Variants in TMEM50B observed in about 807,000 individuals in gnomAD.
TMEM50B encodes the protein transmembrane protein 50B, also known as HCV p7-trans-regulated protein 3.
TMEM50B carries 14 observed loss-of-function variants against 23.4 expected under a neutral mutation model. The observed-to-expected ratio is 0.60, with a 90% CI of 0.39 to 0.93. The LOEUF (loss-of-function observed/expected upper bound fraction) is 0.93. Among genes scored for constraint, TMEM50B ranks in the 40% least tolerant of loss-of-function variants. The probability of loss-of-function intolerance (pLI) is 0.00; values close to 1 mark genes in which losing one functional copy is unlikely to be tolerated. For missense variants in TMEM50B, 159 were observed against 193.0 expected (o/e 0.82, Z 1.04); for synonymous variants, 64 against 62.3 (o/e 1.03, Z -0.13).
chr21:33,476,035 G>A (rs938335407), intron 1 of TMEM50B, among the ~76,000 whole-genome samples: 6 of 152,182 alleles, frequency 3.9e-5, no homozygotes, highest in Non-Finnish European at 7.3e-5. Flanking sequence ...GTGGTAAGAA[G>A]AGTAATAAAT....
intron 5 of TMEM50B, among the ~76,000 whole-genome samples, chr21:33,456,844 TAA>T (rs1240313319): frequency 2.0e-5 from 3 of 152,208 alleles, no homozygotes; most frequent in Non-Finnish European, 4.4e-5. Context: ...AAGTAATATA[TAA>T]AAGTTAGCTA....
intron 8 of TMEM50B, chr21:33,436,726 A>T (rs1454417116): frequency 1.5e-5 from 15 of 971,516 alleles, no homozygotes; most frequent in Non-Finnish European, 2.3e-5. Context: ...TCTCAAAAAA[A>T]AAATAAAAAT....
At chr21:33,450,918 A>C in intron 6 of TMEM50B, 55 bp from the exon 7 acceptor site, 1 of 1,467,888 alleles carries the variant, frequency 6.8e-7, no homozygotes. Context: ...CAAGCAACAC[A>C]GAATTCATTT....
intron 6 of TMEM50B, among the ~76,000 whole-genome samples, chr21:33,451,611 CAG>C (rs1449583258): frequency 6.6e-5 from 10 of 151,890 alleles, no homozygotes; most frequent in Non-Finnish European, 1.2e-4. Context: ...GAGGCGGGAG[CAG>C]AGAGATGGGA....
chr21:33,474,032 C>T (rs1053454706), intron 1 of TMEM50B, among the ~76,000 whole-genome samples: 1 of 149,360 alleles, frequency 6.7e-6, no homozygotes, highest in Non-Finnish European at 1.5e-5. Flanking sequence ...AAGAAAGATA[C>T]AAAGTGACTG....
At chr21:33,447,583 G>T (rs1319594988), downstream of TMEM50B, among the ~76,000 whole-genome samples, 1 of 151,870 alleles carries the variant, frequency 6.6e-6, no homozygotes, top group Non-Finnish European at 1.5e-5. Flanking sequence ...CTTGCTCAAG[G>T]GGCCAAATTA....
At chr21:33,477,283 T>C (rs1006463520) in intron 1 of TMEM50B, among the ~76,000 whole-genome samples, 2 of 150,266 alleles carry the variant, frequency 1.3e-5, no homozygotes, top group African/African-American at 4.9e-5. Context: ...TGAGACCCGG[T>C]CTCCAAAGTG....
chr21:33,470,386 C>A (rs1684784631), intron 1 of TMEM50B, among the ~76,000 whole-genome samples: 1 of 132,186 alleles, frequency 7.6e-6, no homozygotes, highest in African/African-American at 2.9e-5. Flanking sequence ...GATTGTGCCA[C>A]TGCACTCTAG....
chr21:33,457,815 C>T (rs1390081689), intron 5 of TMEM50B, among the ~76,000 whole-genome samples: 2 of 152,134 alleles, frequency 1.3e-5, no homozygotes, highest in African/African-American at 4.8e-5. Context: ...AGCCATTAAC[C>T]TGAGGCTATC....
At chr21:33,438,905 T>G (rs1168781399) in intron 8 of TMEM50B, among the ~76,000 whole-genome samples, 1 of 152,052 alleles carries the variant, frequency 6.6e-6, no homozygotes, top group Non-Finnish European at 1.5e-5. Flanking sequence ...AATTTTTGTA[T>G]TTTTAGTAGA....
At position 33,454,098 on chromosome 21, in the gene TMEM50B, A is replaced by C. The variant is rs974511748; in HGVS notation, c.431+1629T>G. 2.2e-4 allele frequency among the ~76,000 whole-genome samples: 17 copies of C among 78,130 alleles called. 1 individual carries two copies. The highest frequency in any genetic ancestry group is 9.9e-4 in the African/African-American group (16 of 16,134). 51.3% of individuals were successfully genotyped at this position (78,130 alleles called of 152,430 possible). Reference sequence around the variant, plus strand: ...AGCCTGGGCAACAGAGCGAGAATCCAGCTCAAAAAAAAAAAAAAAAAAGAC... The same window carrying C: ...AGCCTGGGCAACAGAGCGAGAATCCCGCTCAAAAAAAAAAAAAAAAAAGAC... On this transcript the variant is annotated intron_variant, in intron 6 of 6. Coordinates refer to ENST00000542230, the MANE Select transcript of TMEM50B (RefSeq NM_006134.7).
At position 33,465,371 on chromosome 21, in the gene TMEM50B, C is replaced by G; in HGVS notation, c.251G>C (p.Ser84Thr). 1 of 1,613,244 alleles carries G rather than the reference C, an allele frequency of 6.2e-7. No homozygotes were observed. The highest frequency in any genetic ancestry group is 8.5e-7 in the Non-Finnish European group (1 of 1,179,804). Reference sequence around the variant, plus strand: ...TCTTCCTAAACAGCCGCTTTCATAGCTATCACCTCTCACCTGAGCATTGGA... The same window carrying G: ...TCTTCCTAAACAGCCGCTTTCATAGGTATCACCTCTCACCTGAGCATTGGA... ...AVSNAQVRGDSYESGCLGRTG... is the reference protein window; with the variant it reads ...AVSNAQVRGDTYESGCLGRTG... The change falls in exon 4 of 7, where the codon AGC (serine) becomes ACC (threonine). Residue 84 changes from serine to threonine, a missense_variant. Physicochemically the swap from Ser to Thr is moderately conservative, Grantham distance 58. Transcript: ENST00000542230.
At chr21:33,467,839 T>C (rs1025256418) in intron 2 of TMEM50B, among the ~76,000 whole-genome samples, 1 of 152,100 alleles carries the variant, frequency 6.6e-6, no homozygotes, top group South Asian at 2.1e-4. Context: ...GAACTGTACA[T>C]TGAAAGAGAT....
At chr21:33,451,866 G>A (rs947974201) in intron 6 of TMEM50B, among the ~76,000 whole-genome samples, 6 of 152,116 alleles carry the variant, frequency 3.9e-5, no homozygotes, top group African/African-American at 1.4e-4. Context: ...ACTTCAAAAG[G>A]TAGTAGGCAG....
rs1453928631 is a variant in TMEM50B, at chr21:33,442,120, G to C, written c.*2037-2823C>G. On this transcript the variant is annotated intron_variant and NMD_transcript_variant, in intron 7 of 8. Transcript: ENST00000420455. Reference sequence around the variant, plus strand: ...GCCCAGAGCCCTTCAAAATATATTTGCTGTTTGCCAAATAGTCTCTATTTG... The same window carrying C: ...GCCCAGAGCCCTTCAAAATATATTTCCTGTTTGCCAAATAGTCTCTATTTG... Among the ~76,000 whole-genome samples the C allele has an allele frequency of 2.6e-5, 4 of 152,022 alleles. 1 individual carries two copies. The highest frequency in any genetic ancestry group is 9.7e-5 in the African/African-American group (4 of 41,384).
At chr21:33,469,278 T>C (rs569407734) in intron 1 of TMEM50B, among the ~76,000 whole-genome samples, 1 of 152,116 alleles carries the variant, frequency 6.6e-6, no homozygotes, top group South Asian at 2.1e-4. Context: ...TATGAAACCT[T>C]GTCTCTACTA....
At chr21:33,445,520 G>A (rs1221898847), downstream of TMEM50B, among the ~76,000 whole-genome samples, 1 of 152,274 alleles carries the variant, frequency 6.6e-6, no homozygotes, top group East Asian at 1.9e-4. Flanking sequence ...CATAAGAAAT[G>A]CCGGGCACGG....
intron 3 of TMEM50B, among the ~76,000 whole-genome samples, 167 bp from the exon 4 acceptor site, chr21:33,465,576 AC>A (rs1198047023): frequency 1.3e-5 from 2 of 152,256 alleles, no homozygotes; most frequent in African/African-American, 2.4e-5. Flanking sequence ...TAGAAATGTT[AC>A]ATTAGTCTTA....
intron 1 of TMEM50B, among the ~76,000 whole-genome samples, chr21:33,478,638 GAAAT>G (rs1225279732): frequency 6.6e-6 from 1 of 152,122 alleles, no homozygotes; most frequent in Non-Finnish European, 1.5e-5. Context: ...TCCGGAAGAA[GAAAT>G]ATACGTCCCC....
Sources: allele counts gnomAD v4.1 joint callset (sites outside exome capture counted in the v4.1 genomes callset), GRCh38; gene constraint gnomAD v4.1.1; transcripts MANE v1.5; gene names NCBI Gene and HGNC (gene_info 2026-07-23, HGNC 2026-07-21).